Variants in NCALD observed in about 807,000 individuals in gnomAD.
NCALD encodes neurocalcin delta.
In NCALD, 10 loss-of-function variants were observed where a neutral mutation model predicts 18.6. The observed-to-expected ratio is 0.54, with a 90% CI of 0.33 to 0.91. The LOEUF (loss-of-function observed/expected upper bound fraction) is 0.91. Among genes scored for constraint, NCALD ranks in the 40% least tolerant of loss-of-function variants. The pLI, the probability that NCALD is intolerant of heterozygous loss-of-function variation, is 0.03. For missense variants in NCALD, 184 were observed against 247.6 expected (o/e 0.74, Z 1.72); for synonymous variants, 88 against 87.4 (o/e 1.01, Z -0.04).
chr8:101,898,750 CTT>C (rs1817306278), intron 3 of NCALD, among the ~76,000 whole-genome samples: 1 of 152,094 alleles, frequency 6.6e-6, no homozygotes, highest in South Asian at 2.1e-4. Context: ...GTATCACTCT[CTT>C]TGCTAATTCC....
chr8:102,111,924 T>A (rs970648137), intron 1 of NCALD, among the ~76,000 whole-genome samples: 1 of 152,210 alleles, frequency 6.6e-6, no homozygotes, highest in Non-Finnish European at 1.5e-5. Flanking sequence ...TTATGGGTGA[T>A]AACACTACAG....
At chr8:101,915,002 T>G (rs1291123240) in intron 3 of NCALD, among the ~76,000 whole-genome samples, 1 of 152,240 alleles carries the variant, frequency 6.6e-6, no homozygotes, top group East Asian at 1.9e-4. Flanking sequence ...TTATTTTAAT[T>G]TATTTGACAA....
chr8:101,785,936 G>A (rs1235265803), intron 1 of NCALD: 1 of 152,170 alleles, frequency 6.6e-6, no homozygotes, highest in Non-Finnish European at 1.5e-5. Flanking sequence ...CTCTTCTGGG[G>A]TTTCACTCTG....
intron 2 of NCALD, among the ~76,000 whole-genome samples, chr8:101,997,849 T>A (rs1018188033): frequency 2.0e-5 from 3 of 152,200 alleles, no homozygotes; most frequent in Non-Finnish European, 4.4e-5. Flanking sequence ...ACAGTGGATG[T>A]TTTTCCCAGA....
At chr8:102,039,777 G>C (rs939618365) in intron 1 of NCALD, among the ~76,000 whole-genome samples, 8 of 152,082 alleles carry the variant, frequency 5.3e-5, no homozygotes, top group African/African-American at 1.9e-4. Context: ...TTTGGAAAGG[G>C]GGTAGATCCC....
rs538384410 is a variant in NCALD, at chr8:101,870,775, G to C, written c.-20+16366C>G. ...CTGCAGAAATAGGATTTGGCCCACA[G>C]GTCAGCCTCTACAGAGACTCGAGAA... is the stretch of plus-strand genomic sequence containing the variant. On this transcript the variant is annotated intron_variant, in intron 4 of 6. Coordinates refer to the NCALD transcript ENST00000311028. 4.6e-4 allele frequency among the ~76,000 whole-genome samples: 70 copies of C among 152,042 alleles called. 1 individual carries two copies. The highest frequency in any genetic ancestry group is 1.2e-3 in the South Asian group (6 of 4,810).
chr8:101,719,537 A>G lies in NCALD; in HGVS notation c.93T>C (p.Tyr31=), dbSNP rs752340414. 1.2e-6 allele frequency: 2 copies of G among 1,614,222 alleles called. No homozygotes were observed. The highest frequency in any genetic ancestry group is 1.7e-6 in the Non-Finnish European group (2 of 1,180,030). The change falls in exon 2 of 4, where the codon TAT becomes TAC. Residue 31 remains tyrosine (Y), a synonymous_variant. Transcript: ENST00000220931. ...DFTEHEIQEW[Y]KGFLRDCPSG... is the part of the protein sequence containing the mutation. Reference sequence around the variant, plus strand: ...TGGGGCAGTCTCTCAAGAAGCCTTTATACCATTCCTGGATCTCATGCTCTG... The same window carrying G: ...TGGGGCAGTCTCTCAAGAAGCCTTTGTACCATTCCTGGATCTCATGCTCTG...
chr8:101,888,101 C>T (rs1816739643), intron 3 of NCALD, among the ~76,000 whole-genome samples: 1 of 152,086 alleles, frequency 6.6e-6, no homozygotes, highest in Non-Finnish European at 1.5e-5. Flanking sequence ...ATTTTGGGGT[C>T]TCATATATCA....
At chr8:101,898,288 T>C (rs989240035) in intron 3 of NCALD, among the ~76,000 whole-genome samples, 1 of 152,184 alleles carries the variant, frequency 6.6e-6, no homozygotes, top group Non-Finnish European at 1.5e-5. Flanking sequence ...CCCCAGTAGC[T>C]AGGGATGCTG....
At chr8:101,903,996 G>A (rs1337028774) in intron 3 of NCALD, among the ~76,000 whole-genome samples, 2 of 152,170 alleles carry the variant, frequency 1.3e-5, no homozygotes, top group Non-Finnish European at 2.9e-5. Context: ...GCCCACTCCT[G>A]CGCTCCTGTA....
In NCALD at chr8:102,008,678, G is replaced by A. The variant is rs1821794648; in HGVS notation, c.-157+11559C>T. On this transcript the variant is annotated intron_variant, in intron 2 of 6. Transcript: ENST00000311028. ...TAAACTCACCCTTATTTTCCTAGTT[G>A]CTTCTCTACCCAATTAACTACCCCA... 2.0e-5 allele frequency among the ~76,000 whole-genome samples: 3 copies of A among 152,144 alleles called. No homozygotes were observed. The South Asian group carries it at 6.2e-4, about 32-fold the overall frequency.
chr8:102,104,992 T>A (rs1825400005), intron 1 of NCALD, among the ~76,000 whole-genome samples: 1 of 152,196 alleles, frequency 6.6e-6, no homozygotes, highest in Non-Finnish European at 1.5e-5. Flanking sequence ...GCCTGGAGCT[T>A]CTGATGGTAT....
chr8:102,067,671 A>T (rs1824053386), intron 1 of NCALD, among the ~76,000 whole-genome samples: 1 of 152,228 alleles, frequency 6.6e-6, no homozygotes, highest in African/African-American at 2.4e-5. Context: ...CAGCCTCAGC[A>T]GTATCATTTA....
intron 1 of NCALD, among the ~76,000 whole-genome samples, chr8:102,037,670 C>T (rs938338769): frequency 2.6e-5 from 4 of 151,774 alleles, no homozygotes; most frequent in Non-Finnish European, 4.4e-5. Context: ...ACATATATTA[C>T]ACTTACAATA....
At chr8:101,997,180 T>C (rs1821269594) in intron 2 of NCALD, among the ~76,000 whole-genome samples, 1 of 152,322 alleles carries the variant, frequency 6.6e-6, no homozygotes, top group South Asian at 2.1e-4. Context: ...TTTAAGCCAA[T>C]CAGCCACTAG....
rs577182368 is a variant in NCALD at position 102,096,683 on chromosome 8, T to C, written c.-210+27554A>G. Among the ~76,000 whole-genome samples the C allele has an allele frequency of 1.4e-4, 21 of 152,240 alleles. No individual in the cohort carries two copies. In the East Asian group the frequency reaches 4.1e-3, roughly 29 times the overall value. ...AGACTGACGGCGGGCCACCACTTCA[T>C]TTACATGAGGTGAGCACCAAGTGGT... is the stretch of plus-strand genomic sequence containing the variant. On this transcript the variant is annotated intron_variant, in intron 1 of 6. Transcript: ENST00000311028.
intron 3 of NCALD, among the ~76,000 whole-genome samples, chr8:101,901,035 G>T (rs750746402): frequency 3.9e-4 from 59 of 151,942 alleles, no homozygotes; most frequent in Non-Finnish European, 1.8e-4. Context: ...TTTAGGGTTT[G>T]CATGCAAAAT....
intron 3 of NCALD, among the ~76,000 whole-genome samples, chr8:101,897,289 T>C (rs961106424): frequency 2.7e-5 from 4 of 149,640 alleles, no homozygotes; most frequent in African/African-American, 9.9e-5. Flanking sequence ...CACCGCATAT[T>C]CTCAGTAATA....
At chr8:101,721,791 C>T (rs1184044820) in intron 1 of NCALD, among the ~76,000 whole-genome samples, 1 of 151,784 alleles carries the variant, frequency 6.6e-6, no homozygotes, top group African/African-American at 2.4e-5. Context: ...GAGTATGGGG[C>T]ACTTCACCTA....
Sources: allele counts gnomAD v4.1 joint callset (sites outside exome capture counted in the v4.1 genomes callset), GRCh38; gene constraint gnomAD v4.1.1; transcripts MANE v1.5; gene names NCBI Gene and HGNC (gene_info 2026-07-23, HGNC 2026-07-21).